The following AGBL4 variants were observed in gnomAD, a reference collection of about 807,000 sequenced individuals.
The protein encoded by AGBL4 is AGBL carboxypeptidase 4.
AGBL4 carries 58 observed loss-of-function variants against 66.4 expected under a neutral mutation model. The ratio of observed to expected loss-of-function variants is 0.87; its 90% CI spans 0.71 to 1.09. AGBL4 has a LOEUF of 1.09. Among genes scored for constraint, AGBL4 ranks in the 50% least tolerant of loss-of-function variants. The pLI, the probability that AGBL4 is intolerant of heterozygous loss-of-function variation, is 0.00. For synonymous variants in AGBL4, 234 were observed against 222.9 expected (o/e 1.05, Z -0.44); for missense variants, 579 against 631.0 (o/e 0.92, Z 0.88).
intron 3 of AGBL4, among the ~76,000 whole-genome samples, chr1:49,309,023 G>C (rs1275218722): frequency 6.6e-6 from 1 of 152,080 alleles, no homozygotes; most frequent in Admixed American, 6.6e-5. Flanking sequence ...TTGACAGTTT[G>C]ATATTGACCA....
intron 3 of AGBL4, among the ~76,000 whole-genome samples, chr1:49,677,866 G>A (rs1244467882): frequency 1.3e-5 from 2 of 152,086 alleles, no homozygotes; most frequent in Non-Finnish European, 2.9e-5. Flanking sequence ...AGGTAACCAG[G>A]AAGTGACTCC....
At chr1:49,297,975 A>G (rs1644674124) in intron 3 of AGBL4, among the ~76,000 whole-genome samples, 2 of 152,142 alleles carry the variant, frequency 1.3e-5, no homozygotes, top group Admixed American at 1.3e-4. Flanking sequence ...TCCGCCCCCA[A>G]CTTCCGGCCA....
chr1:49,070,041 A>G (rs904031755), intron 4 of AGBL4, among the ~76,000 whole-genome samples: 1 of 151,688 alleles, frequency 6.6e-6, no homozygotes, highest in Non-Finnish European at 1.5e-5. Flanking sequence ...TTTGTCTGTT[A>G]TTGGTGTATA....
At chr1:48,733,122 C>A (rs1193140376) in intron 6 of AGBL4, among the ~76,000 whole-genome samples, 2 of 152,108 alleles carry the variant, frequency 1.3e-5, no homozygotes, top group Admixed American at 1.3e-4. Flanking sequence ...TTTCCAGGAG[C>A]CTGCATGTGA....
chr1:49,298,423 G>GC (rs1237149320), intron 3 of AGBL4, among the ~76,000 whole-genome samples: 1 of 152,132 alleles, frequency 6.6e-6, no homozygotes, highest in Admixed American at 6.5e-5. Flanking sequence ...TGGATTCTAC[G>GC]CCCCAGTCAA....
chr1:49,252,603 A>G (rs1198049987), intron 3 of AGBL4, among the ~76,000 whole-genome samples: 1 of 152,202 alleles, frequency 6.6e-6, no homozygotes, highest in Non-Finnish European at 1.5e-5. Flanking sequence ...CAAGACATGT[A>G]GTCATCAGAT....
intron 3 of AGBL4, among the ~76,000 whole-genome samples, chr1:49,271,388 TA>T (rs988014191): frequency 4.1e-4 from 61 of 149,944 alleles, no homozygotes; most frequent in African/African-American, 1.2e-3. Context: ...ACTTTCGATT[TA>T]AAAAAAAAAT....
intron 4 of AGBL4, among the ~76,000 whole-genome samples, chr1:49,082,239 T>G (rs375818194): frequency 1.3e-5 from 2 of 151,808 alleles, no homozygotes; most frequent in African/African-American, 4.9e-5. Flanking sequence ...TTTTTACTAA[T>G]TGGATAGAGA....
At chr1:48,723,079 T>A (rs2148535539) in intron 6 of AGBL4, among the ~76,000 whole-genome samples, 1 of 151,492 alleles carries the variant, frequency 6.6e-6, no homozygotes, top group South Asian at 2.1e-4. Context: ...GCTGTCTAAA[T>A]CCACGCTCCC....
rs115839287 is a variant in AGBL4 at position 49,446,725 on chromosome 1, G to A, written c.283-200861C>T. ...GTGGACGATGACAGTAGCAGTGGTG[G>A]GATGACTCTCTGTGTCCCAAGCTCA... On this transcript the variant is annotated intron_variant, in intron 3 of 13. Transcript: ENST00000371839. 1.3e-3 allele frequency among the ~76,000 whole-genome samples: 203 copies of A among 152,206 alleles called. 1 individual carries two copies. The highest frequency in any genetic ancestry group is 4.6e-3 in the African/African-American group (193 of 41,526).
intron 4 of AGBL4, among the ~76,000 whole-genome samples, chr1:49,204,156 T>C (rs1373248183): frequency 6.6e-6 from 1 of 152,174 alleles, no homozygotes; most frequent in Non-Finnish European, 1.5e-5. Context: ...GGGGACTGTA[T>C]GCAGTTTACT....
At chr1:49,250,374 G>A (rs1651951497) in intron 3 of AGBL4, among the ~76,000 whole-genome samples, 1 of 151,562 alleles carries the variant, frequency 6.6e-6, no homozygotes, top group Non-Finnish European at 1.5e-5. Flanking sequence ...AGTGGATGGA[G>A]GAAAGACACA....
At chr1:49,740,405 C>T (rs1025366205) in intron 2 of AGBL4, among the ~76,000 whole-genome samples, 6 of 152,072 alleles carry the variant, frequency 3.9e-5, no homozygotes, top group African/African-American at 1.4e-4. Flanking sequence ...TAAAGCAAGT[C>T]CTTAGAGACC....
At chr1:49,260,911 A>C (rs1255292390) in intron 3 of AGBL4, among the ~76,000 whole-genome samples, 2 of 149,694 alleles carry the variant, frequency 1.3e-5, no homozygotes, top group Non-Finnish European at 3.0e-5. Flanking sequence ...AATCCTCAAT[A>C]AAATACTGGC....
At chr1:48,945,639 CAGTT>C (rs770572406) in intron 5 of AGBL4, among the ~76,000 whole-genome samples, 2 of 152,154 alleles carry the variant, frequency 1.3e-5, no homozygotes, top group Non-Finnish European at 2.9e-5. Flanking sequence ...GGTAAATACT[CAGTT>C]AGAAGGGGGA....
intron 6 of AGBL4, among the ~76,000 whole-genome samples, chr1:48,837,663 A>AACACAC (rs58493461): frequency 3.3e-5 from 4 of 121,276 alleles, no homozygotes; most frequent in Non-Finnish European, 6.8e-5. Context: ...TTACTTAATG[A>AACACAC]ACACACACAC....
At chr1:48,523,795 T>G in the AGBL4 span, among the ~76,000 whole-genome samples, 1 of 152,218 alleles carries the variant, frequency 6.6e-6, no homozygotes, top group African/African-American at 2.4e-5. Context: ...ATTTCATCAT[T>G]GTGTGAACAT....
chr1:49,830,006 C>T (rs145632113), intron 2 of AGBL4, among the ~76,000 whole-genome samples: 7 of 152,130 alleles, frequency 4.6e-5, no homozygotes, highest in African/African-American at 1.7e-4. Flanking sequence ...TTTCTTTATC[C>T]AGCCTATCAT....
Position 49,960,187 on chromosome 1 carries a change from A to T in AGBL4, c.34+63576T>A, listed in dbSNP as rs547618595. 2.0e-5 allele frequency among the ~76,000 whole-genome samples: 3 copies of T among 152,168 alleles called. No individual in the cohort carries two copies. The South Asian group carries it at 6.2e-4, about 32-fold the overall frequency. On this transcript the variant is annotated intron_variant, in intron 1 of 13. Transcript: ENST00000371839. ...CCTAAAATAAATTTTTTAAAGTAAA[A>T]ATTTTAAAAAGGCAGTGTATATATA...
Sources: allele counts gnomAD v4.1 joint callset (sites outside exome capture counted in the v4.1 genomes callset), GRCh38; gene constraint gnomAD v4.1.1; transcripts MANE v1.5; gene names NCBI Gene and HGNC (gene_info 2026-07-23, HGNC 2026-07-21).